Variants in UBR3 observed in about 807,000 individuals in gnomAD.
The protein encoded by UBR3 is ubiquitin protein ligase E3 component n-recognin 3.
Under a neutral mutation model 243.2 loss-of-function variants are expected in UBR3, and 85 were observed. The observed-to-expected ratio is 0.35, with a 90% CI of 0.29 to 0.42. UBR3 has a LOEUF of 0.42. Among genes scored for constraint, UBR3 ranks in the 10% least tolerant of loss-of-function variants. The pLI is 1.00. For missense variants in UBR3, 1,686 were observed against 2,300.8 expected, an observed-to-expected ratio of 0.73 and a Z score of 5.47; for synonymous variants, 748 against 799.8, an observed-to-expected ratio of 0.94 and a Z score of 1.09.
At chr2:170,015,201 G>C in intron 29 of UBR3, 80 bp from the exon 30 acceptor site, 3 of 1,193,720 alleles carry the variant, frequency 2.5e-6, no homozygotes, top group Non-Finnish European at 3.5e-6. Flanking sequence ...TTATTTTTTA[G>C]GTTGATTCAG....
intron 10 of UBR3, among the ~76,000 whole-genome samples, chr2:169,907,906 G>T (rs2126353): frequency 0.059 from 8,978 of 151,904 alleles, 506 homozygotes; most frequent in African/African-American, 0.15. Context: ...CAAGTAGCTG[G>T]GATTACAAGT....
intron 1 of UBR3, among the ~76,000 whole-genome samples, chr2:169,863,832 T>C (rs1455390526): frequency 6.6e-6 from 1 of 152,178 alleles, no homozygotes; most frequent in Non-Finnish European, 1.5e-5. Flanking sequence ...AATTTCTTGA[T>C]GGCGGAATTG....
chr2:170,063,328 A>C (rs1359224193), intron 35 of UBR3, among the ~76,000 whole-genome samples: 1 of 152,172 alleles, frequency 6.6e-6, no homozygotes, highest in Non-Finnish European at 1.5e-5. Flanking sequence ...GAATGAAAGT[A>C]CTTTGTGTAT....
At chr2:170,077,361 A>T in intron 36 of UBR3, 1 of 965,326 alleles carries the variant, frequency 1.0e-6, no homozygotes, top group Non-Finnish European at 1.7e-6. Flanking sequence ...TACCTTTGGT[A>T]ATAACATCCA....
intron 33 of UBR3, among the ~76,000 whole-genome samples, chr2:170,056,168 C>T (rs943427853): frequency 1.5e-4 from 23 of 151,786 alleles, no homozygotes; most frequent in Non-Finnish European, 2.5e-4. Flanking sequence ...CCACCATGCC[C>T]AGCTAATTTT....
chr2:170,006,571 G>C (rs889545587), intron 27 of UBR3, among the ~76,000 whole-genome samples: 4 of 152,082 alleles, frequency 2.6e-5, no homozygotes, highest in African/African-American at 9.7e-5. Context: ...ATTTATCCTA[G>C]ATCAAAGAAC....
chr2:170,003,640 GTC>G (rs1210291658), intron 27 of UBR3, among the ~76,000 whole-genome samples: 2 of 151,566 alleles, frequency 1.3e-5, no homozygotes, highest in African/African-American at 4.9e-5. Flanking sequence ...TATACACAGA[GTC>G]TTTTTTTTTT....
chr2:169,872,455 T>A, intron 2 of UBR3, 80 bp downstream of exon 2: 2 of 984,836 alleles, frequency 2.0e-6, no homozygotes, highest in Non-Finnish European at 2.9e-6. Flanking sequence ...ATGAGGTGAA[T>A]TTTTTTAGAT....
At chr2:169,864,897 A>G (rs1364187951) in intron 1 of UBR3, among the ~76,000 whole-genome samples, 1 of 132,382 alleles carries the variant, frequency 7.6e-6, no homozygotes, top group African/African-American at 2.9e-5. Context: ...ACGGAGCGAG[A>G]CTCCGTCTCA....
At chr2:169,965,944 C>G (rs893445329) in intron 24 of UBR3, among the ~76,000 whole-genome samples, 7 of 151,978 alleles carry the variant, frequency 4.6e-5, no homozygotes, top group Non-Finnish European at 1.0e-4. Flanking sequence ...CAAAATATTT[C>G]AAATTTATAA....
Position 169,866,870 on chromosome 2 carries a change from C to G in UBR3, c.546-5366C>G, listed in dbSNP as rs79031907. Among the ~76,000 whole-genome samples the G allele has an allele frequency of 9.8e-3, 1,493 of 152,262 alleles. 31 individuals are homozygous for G. The highest frequency in any genetic ancestry group is 0.034 in the African/African-American group (1,406 of 41,548). On this transcript the variant is annotated intron_variant, in intron 1 of 38. Transcript: ENST00000272793. Reference sequence around the variant, plus strand: ...CCATCTCTGCACTGTAATCTGCTGACCTAACAATTGAAAGACCTACCTGAA... The same window carrying G: ...CCATCTCTGCACTGTAATCTGCTGAGCTAACAATTGAAAGACCTACCTGAA...
At chr2:169,833,728 T>G (rs1355995181) in intron 1 of UBR3, among the ~76,000 whole-genome samples, 1 of 152,196 alleles carries the variant, frequency 6.6e-6, no homozygotes, top group Admixed American at 6.5e-5. Flanking sequence ...TCCTTTTCTT[T>G]TAAGGTTACT....
intron 25 of UBR3, among the ~76,000 whole-genome samples, chr2:169,987,032 A>C (rs1207378295): frequency 9.2e-5 from 14 of 152,106 alleles, no homozygotes; most frequent in Admixed American, 9.2e-4. Context: ...TTTTTTCTTT[A>C]AAGTGTGATG....
intron 27 of UBR3, among the ~76,000 whole-genome samples, chr2:170,004,456 G>A (rs1478637824): frequency 6.6e-6 from 1 of 152,128 alleles, no homozygotes; most frequent in Non-Finnish European, 1.5e-5. Context: ...GATTGATGGG[G>A]TTAATTAATT....
At chr2:169,883,291 A>G (rs2083964364) in intron 5 of UBR3, among the ~76,000 whole-genome samples, 1 of 152,162 alleles carries the variant, frequency 6.6e-6, no homozygotes, top group Non-Finnish European at 1.5e-5. Context: ...GTTGTTGATC[A>G]GTATGACGAC....
intron 24 of UBR3, among the ~76,000 whole-genome samples, chr2:169,959,230 A>G (rs1467786362): frequency 6.6e-6 from 1 of 152,170 alleles, no homozygotes; most frequent in Non-Finnish European, 1.5e-5. Context: ...ACCTAAACTC[A>G]TAACCAACTT....
intron 24 of UBR3, among the ~76,000 whole-genome samples, chr2:169,970,872 C>T (rs1455460208): frequency 2.7e-5 from 4 of 147,836 alleles, no homozygotes; most frequent in Non-Finnish European, 4.5e-5. Flanking sequence ...ATGGTATTTC[C>T]AGTTCTAGAT....
chr2:169,876,148 A>G (rs1163163786), intron 3 of UBR3, among the ~76,000 whole-genome samples, 199 bp downstream of exon 3: 2 of 150,942 alleles, frequency 1.3e-5, no homozygotes, highest in Admixed American at 6.6e-5. Flanking sequence ...CAGTGGCGCA[A>G]TCTCGGCTCA....
chr2:170,058,453 CTTTTCTT>C (rs1014690867), intron 33 of UBR3, among the ~76,000 whole-genome samples: 2 of 151,452 alleles, frequency 1.3e-5, no homozygotes, highest in African/African-American at 4.8e-5. Context: ...ACTAGAATTT[CTTTTCTT>C]TTTTCTTTTT....
Sources: gnomAD v4.1 joint callset for allele counts (sites outside exome capture counted in the v4.1 genomes callset) on GRCh38, gnomAD v4.1.1 for gene constraint, MANE v1.5 for transcripts, NCBI Gene and HGNC (gene_info 2026-07-23, HGNC 2026-07-21) for gene names.